PRKCE: variants seen among roughly 807,000 people sequenced by gnomAD.
PRKCE encodes protein kinase C epsilon type.
Under a neutral mutation model 85.4 loss-of-function variants are expected in PRKCE, and 16 were observed. That is an observed-to-expected ratio of 0.19 (90% CI 0.13 to 0.28). The LOEUF is 0.28. Among genes scored for constraint, PRKCE ranks in the 10% least tolerant of loss-of-function variants. The pLI, the probability that PRKCE is intolerant of heterozygous loss-of-function variation, is 1.00. For synonymous variants in PRKCE, 388 were observed against 371.5 expected (o/e 1.04, Z -0.51); for missense variants, 573 against 975.2 (o/e 0.59, Z 5.49).
At chr2:45,892,699 C>G (rs1183955822) in intron 2 of PRKCE, among the ~76,000 whole-genome samples, 2 of 152,128 alleles carry the variant, frequency 1.3e-5, no homozygotes, top group African/African-American at 4.8e-5. Flanking sequence ...TTGCCAGAGA[C>G]TCAAGAATGT....
intron 12 of PRKCE, among the ~76,000 whole-genome samples, chr2:46,147,210 G>A (rs898850924): frequency 1.3e-5 from 2 of 152,220 alleles, no homozygotes; most frequent in South Asian, 2.1e-4. Flanking sequence ...TAGGAATTCA[G>A]CCTTCAAGGA....
chr2:45,822,014 G>A (rs541347036), intron 1 of PRKCE, among the ~76,000 whole-genome samples: 8 of 152,298 alleles, frequency 5.3e-5, no homozygotes, highest in South Asian at 2.1e-4. Context: ...GGTGCGGGGC[G>A]TGGGAGGACC....
chr2:45,924,905 T>C (rs1191844131), intron 2 of PRKCE, among the ~76,000 whole-genome samples: 1 of 152,134 alleles, frequency 6.6e-6, no homozygotes, highest in Admixed American at 6.5e-5. Flanking sequence ...ACAGCAGAGC[T>C]CTGAGTTCCT....
chr2:45,795,605 C>T (rs536762895), intron 1 of PRKCE, among the ~76,000 whole-genome samples: 30 of 152,270 alleles, frequency 2.0e-4, no homozygotes, highest in African/African-American at 6.7e-4. Context: ...CCACTGCGCC[C>T]GGCCTGAACA....
intron 1 of PRKCE, among the ~76,000 whole-genome samples, chr2:45,770,515 G>A (rs1685231614): frequency 6.6e-6 from 1 of 152,192 alleles, no homozygotes; most frequent in African/African-American, 2.4e-5. Context: ...TGTTTCCACA[G>A]AAGTCTGAAT....
At chr2:45,741,324 T>C (rs1259874031) in intron 1 of PRKCE, among the ~76,000 whole-genome samples, 1 of 152,192 alleles carries the variant, frequency 6.6e-6, no homozygotes, top group East Asian at 1.9e-4. Context: ...CTCATGGTTG[T>C]TTATAGTTTG....
chr2:45,834,495 G>C (rs1040899815), intron 1 of PRKCE, among the ~76,000 whole-genome samples: 4 of 152,186 alleles, frequency 2.6e-5, no homozygotes, highest in Non-Finnish European at 4.4e-5. Context: ...TGCTCCTCCT[G>C]TCATGTCCAT....
At chr2:45,740,208 C>A (rs1299991360) in intron 1 of PRKCE, among the ~76,000 whole-genome samples, 1 of 151,616 alleles carries the variant, frequency 6.6e-6, no homozygotes, top group African/African-American at 2.4e-5. Flanking sequence ...ACTGAGTAAA[C>A]CAGTGGCCCT....
intron 1 of PRKCE, among the ~76,000 whole-genome samples, chr2:45,696,189 C>G (rs1051923155): frequency 3.3e-5 from 5 of 149,544 alleles, no homozygotes; most frequent in Middle Eastern, 3.4e-3. Context: ...CTCCTGGCCT[C>G]AAGTGATCCT....
intron 10 of PRKCE, among the ~76,000 whole-genome samples, chr2:46,054,686 C>T (rs998059513): frequency 1.4e-4 from 22 of 152,300 alleles, no homozygotes; most frequent in African/African-American, 5.1e-4. Context: ...GGGCAGGTCC[C>T]CAGCAAGGGC....
At chr2:45,662,111 A>C (rs1327308757) in intron 1 of PRKCE, among the ~76,000 whole-genome samples, 4 of 152,180 alleles carry the variant, frequency 2.6e-5, no homozygotes, top group Admixed American at 2.6e-4. Context: ...GTGCTCTTAG[A>C]AGTTCATCAT....
At chr2:46,130,939 T>A (rs1674387479) in intron 11 of PRKCE, among the ~76,000 whole-genome samples, 1 of 152,232 alleles carries the variant, frequency 6.6e-6, no homozygotes, top group Non-Finnish European at 1.5e-5. Context: ...GAGAGACTTT[T>A]GCTTAAAAAC....
At position 45,991,716 on chromosome 2, in the gene PRKCE, C is replaced by T. The variant is rs55888880; in HGVS notation, c.823+7036C>T. ...GAAAGAAAGGCCCACAGAAATCAAA[C>T]AATCACTTTAAACCCTTGTCTTTTT... On this transcript the variant is annotated intron_variant, in intron 6 of 14. Coordinates refer to ENST00000306156, the MANE Select transcript of PRKCE (RefSeq NM_005400.3). Among the ~76,000 whole-genome samples the T allele has an allele frequency of 4.8e-3, 725 of 152,356 alleles. 7 individuals are homozygous for T. Among genetic ancestry groups the T allele is most frequent in the African/African-American group, 0.016 (686 of 41,584 alleles).
At chr2:45,981,279 C>T (rs1167342514) in intron 5 of PRKCE, among the ~76,000 whole-genome samples, 1 of 152,154 alleles carries the variant, frequency 6.6e-6, no homozygotes, top group Non-Finnish European at 1.5e-5. Context: ...GCTCTTAATT[C>T]TGGGGGAAAT....
intron 2 of PRKCE, among the ~76,000 whole-genome samples, chr2:45,936,042 C>A (rs972902970): frequency 1.3e-5 from 2 of 152,164 alleles, no homozygotes; most frequent in Non-Finnish European, 2.9e-5. Context: ...GTAGGAGACC[C>A]TCTGTCAAGA....
intron 1 of PRKCE, among the ~76,000 whole-genome samples, chr2:45,709,786 C>A (rs1274259640): frequency 6.6e-6 from 1 of 152,178 alleles, no homozygotes; most frequent in Non-Finnish European, 1.5e-5. Flanking sequence ...GGAGAGATGT[C>A]TCCTGTCTCC....
intron 1 of PRKCE, among the ~76,000 whole-genome samples, chr2:45,657,389 G>T (rs944564857): frequency 3.3e-5 from 5 of 152,126 alleles, no homozygotes; most frequent in Admixed American, 6.5e-5. Flanking sequence ...TACAAAGTGG[G>T]TGATAATAAA....
intron 12 of PRKCE, among the ~76,000 whole-genome samples, chr2:46,146,851 G>A (rs1182148772): frequency 6.6e-6 from 1 of 152,224 alleles, no homozygotes; most frequent in Non-Finnish European, 1.5e-5. Flanking sequence ...TAGATCATAG[G>A]GTTTCCTGGT....
intron 8 of PRKCE, among the ~76,000 whole-genome samples, chr2:46,005,603 A>C (rs545929768): frequency 6.6e-6 from 1 of 152,106 alleles, no homozygotes; most frequent in Non-Finnish European, 1.5e-5. Flanking sequence ...GACTGTACCC[A>C]TGCTGGCTGA....
Sources: allele counts gnomAD v4.1 joint callset (sites outside exome capture counted in the v4.1 genomes callset), GRCh38; gene constraint gnomAD v4.1.1; transcripts MANE v1.5; gene names NCBI Gene and HGNC (gene_info 2026-07-23, HGNC 2026-07-21).